SLC6A12: variants seen among roughly 807,000 people sequenced by gnomAD.
SLC6A12 encodes the protein solute carrier family 6 member 12, also known as sodium- and chloride-dependent betaine transporter.
In SLC6A12, 50 loss-of-function variants were observed where a neutral mutation model predicts 73.3. That is an observed-to-expected ratio of 0.68 (90% CI 0.54 to 0.86). The LOEUF is 0.86. Among genes scored for constraint, SLC6A12 ranks in the 40% least tolerant of loss-of-function variants. SLC6A12 has a pLI of 0.00. For missense variants in SLC6A12, 648 were observed against 772.8 expected, an observed-to-expected ratio of 0.84 and a Z score of 1.92; for synonymous variants, 304 against 309.2, an observed-to-expected ratio of 0.98 and a Z score of 0.18.
intron 7 of SLC6A12, among the ~76,000 whole-genome samples, chr12:200,034 G>C (rs1940126302): frequency 1.3e-5 from 2 of 151,576 alleles, no homozygotes; most frequent in South Asian, 4.2e-4. Flanking sequence ...ACAGAGATTA[G>C]CAGTGCCAAC....
chr12:207,775 TC>T (rs1940722666), intron 3 of SLC6A12, among the ~76,000 whole-genome samples: 1 of 152,148 alleles, frequency 6.6e-6, no homozygotes, highest in African/African-American at 2.4e-5. Context: ...TTACTACATT[TC>T]TAGACCCCCA....
At chr12:211,567 T>TG (rs1045412033) in intron 2 of SLC6A12, among the ~76,000 whole-genome samples, 2 of 152,132 alleles carry the variant, frequency 1.3e-5, no homozygotes, top group African/African-American at 4.8e-5. Flanking sequence ...ATCAGACCCA[T>TG]GGGGGCCTTG....
At position 198,474 on chromosome 12, in the gene SLC6A12, G is replaced by C. The variant is rs1236277755; in HGVS notation, c.846+323C>G. Among the ~76,000 whole-genome samples the C allele has an allele frequency of 6.6e-6, 1 of 152,192 alleles. No individual in the cohort carries two copies. The highest frequency in any genetic ancestry group is 6.5e-5 in the Admixed American group (1 of 15,278). On this transcript the variant is annotated intron_variant, in intron 8 of 15. Transcript: ENST00000684302. The surrounding 1 kb of genome is among the most constrained non-coding windows in gnomAD (Gnocchi z 4.0). ...AGCTGCTCAGGAGGCTGAGGCGAGA[G>C]AATGCCTTGAGCCCAAGAGGTTGAG...
In SLC6A12 at chr12:198,697, T is replaced by G; in HGVS notation, c.846+100A>C. ...TAATTTATCTCCAGTGGGCATTTAT[T>G]GCTTTTAAACCAAGGAAAAAGCTAT... is the stretch of plus-strand genomic sequence containing the variant. On this transcript the variant is annotated intron_variant, in intron 8 of 15. Transcript: ENST00000684302. The surrounding 1 kb of genome is among the most constrained non-coding windows in gnomAD (Gnocchi z 4.0). 9.9e-7 allele frequency: 1 copy of G among 1,007,922 alleles called. No individual in the cohort carries two copies. Among genetic ancestry groups the G allele is most frequent in the Non-Finnish European group, 1.4e-6 (1 of 697,494 alleles). 62.4% of individuals were successfully genotyped at this position (1,007,922 alleles called of 1,614,324 possible). A position where few individuals can be genotyped will look rare whatever the true frequency, so the allele number is the denominator to read the frequency against.
At chr12:187,141 A>G (rs1939445443), downstream of SLC6A12, among the ~76,000 whole-genome samples, 1 of 152,198 alleles carries the variant, frequency 6.6e-6, no homozygotes, top group South Asian at 2.1e-4. Flanking sequence ...TTCATGCCAC[A>G]CTGGCCAAAT....
intron 13 of SLC6A12, 58 bp from the exon 14 acceptor site, chr12:193,435 T>C: frequency 7.3e-7 from 1 of 1,372,460 alleles, no homozygotes; most frequent in Non-Finnish European, 1.0e-6. Context: ...AGCTTCCCGG[T>C]GTTTGGGAAA....
chr12:191,767 C>T (rs371291875), intron 15 of SLC6A12, among the ~76,000 whole-genome samples: 161 of 152,100 alleles, frequency 1.1e-3, no homozygotes, highest in African/African-American at 3.6e-3. Flanking sequence ...AGGTGATAAA[C>T]GTGATGATGA....
chr12:184,954 C>A, the SLC6A12 span, among the ~76,000 whole-genome samples: 3 of 151,692 alleles, frequency 2.0e-5, no homozygotes, highest in Middle Eastern at 3.4e-3. Flanking sequence ...AATCATCAGC[C>A]GTCATACTTC....
At chr12:192,319 G>C (rs1939637402) in intron 15 of SLC6A12, among the ~76,000 whole-genome samples, 159 bp downstream of exon 15, 1 of 152,154 alleles carries the variant, frequency 6.6e-6, no homozygotes, top group Admixed American at 6.5e-5. Context: ...CCACTGGACT[G>C]GTCTTCAAAG....
chr12:208,894 A>G (rs1020789168), intron 3 of SLC6A12, among the ~76,000 whole-genome samples: 1 of 151,874 alleles, frequency 6.6e-6, no homozygotes, highest in Non-Finnish European at 1.5e-5. Context: ...TAATAAAATC[A>G]TGTTTCTCTA....
intron 11 of SLC6A12, 24 bp downstream of exon 11, chr12:196,746 G>A: frequency 6.5e-7 from 1 of 1,538,476 alleles, no homozygotes; most frequent in Non-Finnish European, 9.0e-7. Context: ...CCACGGCAGG[G>A]CAGGCTGGGC....
chr12:200,779 G>A lies in SLC6A12; in HGVS notation c.583C>T (p.Arg195Ter), dbSNP rs377605688. 13 of 1,613,188 alleles carry A rather than the reference G, an allele frequency of 8.1e-6. No individual in the cohort carries two copies. The highest frequency in any genetic ancestry group is 2.2e-5 in the East Asian group (1 of 44,856). Residue 195 changes from arginine to a stop codon, truncating the protein, a stop_gained, in exon 7 of 16, where the codon CGA becomes TGA. Coordinates refer to ENST00000684302, the MANE Select transcript of SLC6A12 (RefSeq NM_001122848.3). LOFTEE classifies it high-confidence loss of function. ...ATGCCCGAGGTGATGCCCAGAACTC[G>A]TCTCCTGGAGGATTGGGAAAAATAA... ...TSPVMEFWER[R>*]VLGITSGIHD...
downstream of SLC6A12, among the ~76,000 whole-genome samples, chr12:185,678 T>C (rs1939418391): frequency 6.6e-6 from 1 of 152,232 alleles, no homozygotes; most frequent in African/African-American, 2.4e-5. Context: ...TCTGGCAACT[T>C]GCACTCGCCT....
At chr12:186,751 A>G (rs556295907), downstream of SLC6A12, among the ~76,000 whole-genome samples, 1 of 152,364 alleles carries the variant, frequency 6.6e-6, no homozygotes, top group African/African-American at 2.4e-5. Context: ...ATTGAGATGT[A>G]GCTCTGAAAT....
At chr12:197,609 G>T in intron 9 of SLC6A12, 108 bp from the exon 10 acceptor site, 1 of 1,189,598 alleles carries the variant, frequency 8.4e-7, no homozygotes, top group Non-Finnish European at 1.2e-6. Flanking sequence ...GGACCAAGGA[G>T]AGAGAAGGGG....
At chr12:192,709 C>G (rs3741968) in intron 14 of SLC6A12, 61 bp from the exon 15 acceptor site, 3 of 1,511,492 alleles carry the variant, frequency 2.0e-6, no homozygotes, top group Non-Finnish European at 2.8e-6. Flanking sequence ...CTCTCCGCAG[C>G]TACGTACAGC....
downstream of SLC6A12, among the ~76,000 whole-genome samples, chr12:187,652 C>T (rs541372957): frequency 1.5e-5 from 2 of 135,790 alleles, no homozygotes; most frequent in East Asian, 2.2e-4. Context: ...ACACAGCACC[C>T]ACTGCACACA....
chr12:201,931 A>G, intron 5 of SLC6A12, 82 bp from the exon 6 acceptor site: 2 of 1,217,966 alleles, frequency 1.6e-6, no homozygotes, highest in Non-Finnish European at 1.2e-6. Flanking sequence ...CTTGCAGCCT[A>G]GTGGTCCTCA....
rs534676757 is a variant in SLC6A12, at chr12:212,119, G to A, written c.-142-9C>T. The A allele has an allele frequency of 6.6e-6, 1 of 152,370 alleles. No homozygotes were observed. Among genetic ancestry groups the A allele is most frequent in the South Asian group, 2.1e-4 (1 of 4,832 alleles). The allele number at this position is 152,370 out of a possible 1,614,324, so 9.4% of individuals were successfully genotyped here. A position where few individuals can be genotyped will look rare whatever the true frequency, so the allele number is the denominator to read the frequency against. The stretch of plus-strand genomic sequence containing the variant: ...CTGAACTCTAAGTTTCCCTGGAAGA[G>A]AGAAAGACCACTGCTCAAAGGGGTT... On this transcript the variant is annotated splice_polypyrimidine_tract_variant and intron_variant, in intron 1 of 15. Transcript: ENST00000684302.
Sources: allele counts gnomAD v4.1 joint callset (sites outside exome capture counted in the v4.1 genomes callset), GRCh38; gene constraint gnomAD v4.1.1; non-coding constraint Gnocchi (gnomAD v3.1); transcripts MANE v1.5; gene names NCBI Gene and HGNC (gene_info 2026-07-23, HGNC 2026-07-21).